The following RORA variants were observed in gnomAD, a reference collection of about 807,000 sequenced individuals.
RORA encodes nuclear receptor ROR-alpha.
RORA carries 7 observed loss-of-function variants against 69.5 expected under a neutral mutation model. That is an observed-to-expected ratio of 0.10 (90% confidence interval 0.06 to 0.19). The LOEUF is 0.19. Among genes scored for constraint, RORA ranks in the 10% least tolerant of loss-of-function variants. RORA has a pLI of 1.00. For synonymous variants in RORA, 261 were observed against 240.8 expected, an observed-to-expected ratio of 1.08 and a Z score of -0.78; for missense variants, 457 against 663.0, an observed-to-expected ratio of 0.69 and a Z score of 3.41.
At chr15:61,089,257 A>G (rs2078670181) in intron 1 of RORA, among the ~76,000 whole-genome samples, 1 of 152,246 alleles carries the variant, frequency 6.6e-6, no homozygotes, top group African/African-American at 2.4e-5. Context: ...CCCCTACTGT[A>G]GAAAAAAGTC....
intron 1 of RORA, among the ~76,000 whole-genome samples, chr15:61,076,967 G>C (rs921368055): frequency 6.6e-6 from 1 of 151,130 alleles, no homozygotes; most frequent in East Asian, 1.9e-4. Context: ...ATTGCTTCTT[G>C]AACTACACAC....
intron 1 of RORA, among the ~76,000 whole-genome samples, chr15:61,141,751 GC>G (rs1175902976): frequency 6.6e-6 from 1 of 152,198 alleles, no homozygotes; most frequent in African/African-American, 2.4e-5. Context: ...TGCCTGGCAG[GC>G]CCCTACCTAC....
At chr15:60,846,329 A>C (rs907022120) in intron 1 of RORA, among the ~76,000 whole-genome samples, 1 of 152,178 alleles carries the variant, frequency 6.6e-6, no homozygotes, top group African/African-American at 2.4e-5. Context: ...GTACTGTATA[A>C]ATATTTATTA....
chr15:60,857,394 TA>T (rs1401748499), intron 1 of RORA, among the ~76,000 whole-genome samples: 1 of 141,610 alleles, frequency 7.1e-6, no homozygotes, highest in Non-Finnish European at 1.6e-5. Flanking sequence ...CAAATGGAAG[TA>T]AATGTATCAG....
rs113388149 is a variant in RORA at position 61,081,592 on chromosome 15, G to C, written c.166+147461C>G. On this transcript the variant is annotated intron_variant, in intron 1 of 10. Coordinates refer to ENST00000335670, the MANE Select transcript of RORA (RefSeq NM_134261.3). The stretch of plus-strand genomic sequence containing the variant: ...GGAGGCCGACGTGGGTGGATCACGG[G>C]GTCAGGAGATCGAGACCATCCTGGC... Among the ~76,000 whole-genome samples the C allele has an allele frequency of 9.5e-4, 145 of 152,124 alleles. 1 individual carries two copies. The highest frequency in any genetic ancestry group is 3.4e-3 in the Middle Eastern group (1 of 294).
intron 1 of RORA, among the ~76,000 whole-genome samples, chr15:61,146,174 T>C (rs1186068880): frequency 6.6e-6 from 1 of 152,186 alleles, no homozygotes; most frequent in Admixed American, 6.5e-5. Context: ...GTCGAGGATT[T>C]TTCCCCTAGA....
At chr15:60,617,659 C>CAG (rs10594406) in intron 2 of RORA, among the ~76,000 whole-genome samples, 5,406 of 141,416 alleles carry the variant, frequency 0.038, 104 homozygotes, top group East Asian at 0.07. Flanking sequence ...CACATACAGA[C>CAG]AGAGAGAGAG....
intron 1 of RORA, among the ~76,000 whole-genome samples, chr15:61,215,236 T>C (rs1291244744): frequency 1.3e-5 from 2 of 152,016 alleles, no homozygotes; most frequent in Admixed American, 6.6e-5. Flanking sequence ...TGTTGGACAC[T>C]GCCTTCTCAG....
chr15:60,711,836 A>G (rs4775288), intron 1 of RORA, among the ~76,000 whole-genome samples: 151,994 of 152,316 alleles, frequency 1, 75,836 homozygotes, highest in Middle Eastern at 1. Context: ...TTACTAGGAA[A>G]ATCCAACATT....
intron 2 of RORA, among the ~76,000 whole-genome samples, chr15:60,667,047 G>A (rs2070391928): frequency 6.6e-6 from 1 of 152,084 alleles, no homozygotes; most frequent in Non-Finnish European, 1.5e-5. Flanking sequence ...AGGAATTACC[G>A]AATGTAAGGC....
At position 60,791,584 on chromosome 15, in the gene RORA, G is replaced by C. The variant is rs75882832; in HGVS notation, c.167-112898C>G. On this transcript the variant is annotated intron_variant, in intron 1 of 10. Transcript: ENST00000335670. ...AGTCAGAAAAGGAACAAGAACATAA[G>C]GGGAGAAATTCTGGAAAGGTGGGAA... 5.8e-3 allele frequency among the ~76,000 whole-genome samples: 887 copies of C among 152,304 alleles called. 12 individuals carry two copies. Among genetic ancestry groups the C allele is most frequent in the African/African-American group, 0.02 (848 of 41,574 alleles).
Position 60,905,995 on chromosome 15 carries a change from C to CA in RORA, c.167-227310dup, listed in dbSNP as rs1891525647. Among the ~76,000 whole-genome samples, 1 of 152,156 alleles carries CA rather than the reference C, an allele frequency of 6.6e-6. No homozygotes were observed. Among genetic ancestry groups the CA allele is most frequent in the African/African-American group, 2.4e-5 (1 of 41,448 alleles). On this transcript the variant is annotated intron_variant, in intron 1 of 10. Transcript: ENST00000335670. The surrounding 1 kb of genome is among the most constrained non-coding windows in gnomAD (Gnocchi z 4.8). ...TTTCATAAATAAATCAGCAAATCTA[C>CA]AAAAAGACTTCTCTCTTTTAATGAG...
At chr15:60,509,261 A>G (rs972810089) in intron 5 of RORA, among the ~76,000 whole-genome samples, 3 of 152,242 alleles carry the variant, frequency 2.0e-5, no homozygotes, top group African/African-American at 7.2e-5. Context: ...GCCCAATTAT[A>G]TACTTTCCAG....
At chr15:60,638,975 G>A (rs530414189) in intron 2 of RORA, among the ~76,000 whole-genome samples, 5 of 152,078 alleles carry the variant, frequency 3.3e-5, no homozygotes, top group African/African-American at 4.8e-5. Flanking sequence ...GCTGACCAAC[G>A]GGGATGAGGG....
chr15:60,687,320 A>G (rs984311856), intron 1 of RORA, among the ~76,000 whole-genome samples: 1 of 152,226 alleles, frequency 6.6e-6, no homozygotes, highest in African/African-American at 2.4e-5. Context: ...TTAGAGTATC[A>G]ATATTATTAA....
intron 1 of RORA, among the ~76,000 whole-genome samples, chr15:61,091,065 C>T (rs1310860854): frequency 1.3e-5 from 2 of 152,188 alleles, no homozygotes; most frequent in Admixed American, 1.3e-4. Context: ...GAATTCTCTT[C>T]TGCTCATTAA....
chr15:60,627,391 C>T (rs2069617662), intron 2 of RORA: 1 of 1,613,972 alleles, frequency 6.2e-7, no homozygotes, highest in African/African-American at 1.3e-5. Flanking sequence ...TCCTGGTTAC[C>T]CATCTGCCTC....
intron 1 of RORA, among the ~76,000 whole-genome samples, chr15:61,167,714 A>C (rs992997309): frequency 2.0e-5 from 3 of 152,164 alleles, no homozygotes; most frequent in African/African-American, 7.2e-5. Context: ...TGCCACATTT[A>C]AGGTGTTACT....
At chr15:60,551,135 TTAATA>T (rs2067216934) in intron 2 of RORA, among the ~76,000 whole-genome samples, 1 of 152,084 alleles carries the variant, frequency 6.6e-6, no homozygotes, top group Non-Finnish European at 1.5e-5. Flanking sequence ...ATGCAACACA[TTAATA>T]TATTTATGGA....
Sources: gnomAD v4.1 joint callset for allele counts (sites outside exome capture counted in the v4.1 genomes callset) on GRCh38, gnomAD v4.1.1 for gene constraint, Gnocchi (gnomAD v3.1) non-coding constraint, MANE v1.5 for transcripts, NCBI Gene and HGNC (gene_info 2026-07-23, HGNC 2026-07-21) for gene names.